Variants in SBF2 observed in about 807,000 individuals in gnomAD.
SBF2 encodes myotubularin-related protein 13.
Under a neutral mutation model 225.2 loss-of-function variants are expected in SBF2, and 112 were observed. The observed-to-expected ratio is 0.50, with a 90% CI of 0.43 to 0.58. SBF2 has a LOEUF of 0.58. Among genes scored for constraint, SBF2 ranks in the 20% least tolerant of loss-of-function variants. The pLI is 0.00. For missense variants in SBF2, 1,996 were observed against 2,206.2 expected (o/e 0.90, Z 1.91); for synonymous variants, 763 against 773.3 (o/e 0.99, Z 0.22).
intron 16 of SBF2, among the ~76,000 whole-genome samples, chr11:9,921,064 CTTTTTTTTT>C (rs34959264): frequency 3.5e-5 from 3 of 85,888 alleles, no homozygotes; most frequent in Non-Finnish European, 6.4e-5. Flanking sequence ...CTGAAAACTT[CTTTTTTTTT>C]TTTTTTTTTT....
At chr11:9,945,383 T>C (rs1035517156) in intron 16 of SBF2, among the ~76,000 whole-genome samples, 2 of 152,214 alleles carry the variant, frequency 1.3e-5, no homozygotes, top group African/African-American at 4.8e-5. Context: ...CTAGGATAAC[T>C]GGCTAGCCAT....
chr11:10,232,955 A>G (rs533986935), intron 1 of SBF2, among the ~76,000 whole-genome samples: 3 of 152,212 alleles, frequency 2.0e-5, no homozygotes, highest in Non-Finnish European at 4.4e-5. Flanking sequence ...TGTTTCATTC[A>G]GGAAAACCAA....
chr11:9,807,710 T>G (rs1853930929), intron 32 of SBF2: 1 of 447,826 alleles, frequency 2.2e-6, no homozygotes, highest in Non-Finnish European at 4.1e-6. Flanking sequence ...TGTTCTTAGG[T>G]AATAAGCCCA....
intron 14 of SBF2, among the ~76,000 whole-genome samples, chr11:9,965,078 T>C (rs1866813666): frequency 1.3e-5 from 2 of 150,156 alleles, no homozygotes; most frequent in African/African-American, 2.4e-5. Flanking sequence ...TTGATGTCCA[T>C]GTGTACACAT....
chr11:10,170,957 T>C (rs1033332584), intron 2 of SBF2, among the ~76,000 whole-genome samples: 5 of 152,210 alleles, frequency 3.3e-5, no homozygotes, highest in African/African-American at 9.6e-5. Flanking sequence ...TGTTGGCATA[T>C]AGAAATGCTA....
At chr11:9,862,928 A>T in intron 17 of SBF2, among the ~76,000 whole-genome samples, 1 of 152,168 alleles carries the variant, frequency 6.6e-6, no homozygotes. Context: ...CTGGTTGGGA[A>T]TGCTTTTGTC....
In SBF2 at chr11:10,237,379, T is replaced by TGGAGCCAAATAAGGGAGTGTTGTTAA. The variant is rs564151335; in HGVS notation, c.56-43418_56-43393dup. ...ACAAAAACAACAACAACAACAAAAC[T>TGGAGCCAAATAAGGGAGTGTTGTTAA]GGAGCCAAATAAGGGAGTGTTGTTA... On this transcript the variant is annotated intron_variant, in intron 1 of 39. Transcript: ENST00000256190. Among the ~76,000 whole-genome samples, 1,359 of 152,052 alleles carry TGGAGCCAAATAAGGGAGTGTTGTTAA rather than the reference T, an allele frequency of 8.9e-3. 11 individuals are homozygous for TGGAGCCAAATAAGGGAGTGTTGTTAA. Among genetic ancestry groups the TGGAGCCAAATAAGGGAGTGTTGTTAA allele is most frequent in the Middle Eastern group, 0.024 (7 of 294 alleles).
At chr11:10,092,183 C>T (rs1392040046) in intron 2 of SBF2, among the ~76,000 whole-genome samples, 2 of 152,012 alleles carry the variant, frequency 1.3e-5, no homozygotes, top group African/African-American at 2.4e-5. Context: ...TTTTGAGAAA[C>T]AGAAATTAAA....
chr11:10,283,093 T>C (rs1963518390), intron 1 of SBF2, among the ~76,000 whole-genome samples: 1 of 152,230 alleles, frequency 6.6e-6, no homozygotes, highest in African/African-American at 2.4e-5. Flanking sequence ...TCTTCTCTTT[T>C]TCCCTCAGTA....
At chr11:9,951,278 C>G (rs1318154846) in intron 16 of SBF2, among the ~76,000 whole-genome samples, 1 of 152,104 alleles carries the variant, frequency 6.6e-6, no homozygotes, top group East Asian at 1.9e-4. Context: ...TCAGAATTTA[C>G]TATGAAGGCA....
chr11:10,158,638 GAGT>G (rs1332450281), intron 2 of SBF2, among the ~76,000 whole-genome samples: 2 of 152,152 alleles, frequency 1.3e-5, no homozygotes, highest in African/African-American at 4.8e-5. Flanking sequence ...TAGGAAATCT[GAGT>G]AGATGAATAA....
At chr11:10,071,411 C>A (rs193226226) in intron 2 of SBF2, among the ~76,000 whole-genome samples, 3 of 151,964 alleles carry the variant, frequency 2.0e-5, no homozygotes, top group East Asian at 1.9e-4. Context: ...GGACTACAAG[C>A]GCCCGCAACC....
At chr11:10,205,008 G>C (rs555246694) in intron 1 of SBF2, among the ~76,000 whole-genome samples, 14 of 151,722 alleles carry the variant, frequency 9.2e-5, no homozygotes, top group Non-Finnish European at 1.5e-4. Flanking sequence ...CGGCCTGTTG[G>C]GGGGAGGTGG....
intron 16 of SBF2, among the ~76,000 whole-genome samples, chr11:9,954,383 G>A (rs1866030445): frequency 6.6e-6 from 1 of 152,180 alleles, no homozygotes; most frequent in Non-Finnish European, 1.5e-5. Context: ...AGAATGTCAT[G>A]TTAAATCCCT....
chr11:10,054,156 G>A (rs928527911), intron 2 of SBF2, among the ~76,000 whole-genome samples: 3 of 151,974 alleles, frequency 2.0e-5, no homozygotes, highest in Non-Finnish European at 2.9e-5. Context: ...TATTGCTTTT[G>A]GTAAAAATTT....
chr11:10,193,901 C>T lies in SBF2; in HGVS notation c.141+1G>A. On this transcript the variant is annotated splice_donor_variant, in intron 2 of 39. Transcript: ENST00000256190. LOFTEE classifies it high-confidence loss of function. ...TATGCAATAATACAACAACCACTTA[C>T]CAACTCAATTCCCTGTGGAAAAGGT... 6.2e-7 allele frequency: 1 copy of T among 1,603,284 alleles called. No homozygotes were observed. Among genetic ancestry groups the T allele is most frequent in the Non-Finnish European group, 8.5e-7 (1 of 1,170,272 alleles).
At position 9,850,562 on chromosome 11, in the gene SBF2, T is replaced by G. The variant is rs542976678; in HGVS notation, c.2611-344A>C. Among the ~76,000 whole-genome samples the G allele has an allele frequency of 1.4e-4, 21 of 152,284 alleles. No homozygotes were observed. In the South Asian group the frequency reaches 2.1e-3, roughly 15 times the overall value. ...CATGAGCCACCATAGAAAAGTATTT[T>G]AAACACAACTTTTGTGGAGTTTCTA... On this transcript the variant is annotated intron_variant, in intron 21 of 39. Coordinates refer to ENST00000256190, the MANE Select transcript of SBF2 (RefSeq NM_030962.4).
At chr11:10,126,742 T>C (rs1187085784) in intron 2 of SBF2, among the ~76,000 whole-genome samples, 2 of 152,160 alleles carry the variant, frequency 1.3e-5, no homozygotes, top group East Asian at 3.8e-4. Context: ...TCCATGCTTA[T>C]GGCAGTACTA....
chr11:10,278,890 G>A (rs1365082998), intron 1 of SBF2, among the ~76,000 whole-genome samples: 1 of 151,450 alleles, frequency 6.6e-6, no homozygotes, highest in African/African-American at 2.4e-5. Context: ...TATCATATTG[G>A]GCATAACAAC....
Sources: allele counts gnomAD v4.1 joint callset (sites outside exome capture counted in the v4.1 genomes callset), GRCh38; gene constraint gnomAD v4.1.1; transcripts MANE v1.5; gene names NCBI Gene and HGNC (gene_info 2026-07-23, HGNC 2026-07-21).